Variants in ITPRID1 observed in about 807,000 individuals in gnomAD.
ITPRID1 encodes ITPR interacting domain containing 1.
Under a neutral mutation model 95.4 loss-of-function variants are expected in ITPRID1, and 96 were observed. The ratio of observed to expected loss-of-function variants is 1.01; its 90% confidence interval spans 0.85 to 1.19. The LOEUF (loss-of-function observed/expected upper bound fraction) is 1.19. Among genes scored for constraint, ITPRID1 ranks in the 50% most tolerant of loss-of-function variants. The pLI, the probability that ITPRID1 is intolerant of heterozygous loss-of-function variation, is 0.00. For synonymous variants in ITPRID1, 510 were observed against 453.6 expected (o/e 1.12, Z -1.58); for missense variants, 1,339 against 1,252.9 (o/e 1.07, Z -1.04).
chr7:31,589,341 A>G (rs1785763769), intron 10 of ITPRID1, among the ~76,000 whole-genome samples: 1 of 152,164 alleles, frequency 6.6e-6, no homozygotes, highest in Non-Finnish European at 1.5e-5. Context: ...CCTGTGAGGC[A>G]GTATCAAAGG....
chr7:31,625,652 T>C (rs932564613), intron 10 of ITPRID1, among the ~76,000 whole-genome samples: 2 of 151,992 alleles, frequency 1.3e-5, no homozygotes, highest in Non-Finnish European at 1.5e-5. Flanking sequence ...GGGATAGCAC[T>C]GGGAGATATA....
At chr7:31,650,008 T>G (rs1475470500) in intron 12 of ITPRID1, among the ~76,000 whole-genome samples, 1 of 152,048 alleles carries the variant, frequency 6.6e-6, no homozygotes, top group African/African-American at 2.4e-5. Context: ...TCACAAAGAA[T>G]TGGTCCATGT....
At chr7:31,526,412 T>C (rs1455232884) in intron 1 of ITPRID1, among the ~76,000 whole-genome samples, 2 of 152,084 alleles carry the variant, frequency 1.3e-5, no homozygotes, top group African/African-American at 2.4e-5. Context: ...GTCAGACTAG[T>C]TGTAGGGGAA....
At chr7:31,625,410 G>A (rs1788357890) in intron 10 of ITPRID1, among the ~76,000 whole-genome samples, 1 of 151,886 alleles carries the variant, frequency 6.6e-6, no homozygotes, top group Non-Finnish European at 1.5e-5. Context: ...AAGAAAATGT[G>A]GCACATATAC....
chr7:31,537,087 T>C, intron 1 of ITPRID1, among the ~76,000 whole-genome samples: 1 of 116,950 alleles, frequency 8.6e-6, no homozygotes, highest in Non-Finnish European at 1.7e-5. Flanking sequence ...GCCTAGAAGG[T>C]GTGTGTGTTG....
At chr7:31,620,696 A>G (rs1174390651) in intron 10 of ITPRID1, among the ~76,000 whole-genome samples, 1 of 152,036 alleles carries the variant, frequency 6.6e-6, no homozygotes, top group South Asian at 2.1e-4. Context: ...TCTAAAAAGC[A>G]GAGCACCTCT....
At chr7:31,598,737 A>G (rs558973281) in intron 10 of ITPRID1, among the ~76,000 whole-genome samples, 1 of 152,298 alleles carries the variant, frequency 6.6e-6, no homozygotes, top group East Asian at 1.9e-4. Flanking sequence ...AATAAGAAAA[A>G]GGTAAATGAC....
In ITPRID1 at chr7:31,535,864, T is replaced by C. The variant is rs74825608; in HGVS notation, c.-97-13562T>C. On this transcript the variant is annotated intron_variant, in intron 1 of 14. Transcript: ENST00000615280. ...AGAGATCAAGGATCATTCTTATTTGTTGTTCCTCTCTGTGTAGTGTGTCTT... is the reference window on the plus strand; with the variant it reads ...AGAGATCAAGGATCATTCTTATTTGCTGTTCCTCTCTGTGTAGTGTGTCTT... 4.6e-3 allele frequency among the ~76,000 whole-genome samples: 707 copies of C among 152,192 alleles called. 4 individuals carry two copies. Among genetic ancestry groups the C allele is most frequent in the African/African-American group, 0.015 (616 of 41,554 alleles).
intron 1 of ITPRID1, among the ~76,000 whole-genome samples, chr7:31,547,457 T>C (rs1784136519): frequency 8.3e-6 from 1 of 121,202 alleles, no homozygotes; most frequent in African/African-American, 2.6e-5. Flanking sequence ...CAGAGCAAAG[T>C]GGGGGAAAGC....
intron 1 of ITPRID1, among the ~76,000 whole-genome samples, chr7:31,532,802 A>C (rs1325718225): frequency 6.6e-6 from 1 of 152,224 alleles, no homozygotes; most frequent in Non-Finnish European, 1.5e-5. Context: ...GAAATGTACT[A>C]GTTGTTCAGC....
At chr7:31,519,578 A>ATC (rs72374972) in intron 1 of ITPRID1, among the ~76,000 whole-genome samples, 956 of 37,418 alleles carry the variant, frequency 0.026, 54 homozygotes, top group Middle Eastern at 0.056. Flanking sequence ...TATTTCTGGT[A>ATC]TCTCTCTCTC....
At chr7:31,640,750 G>A (rs1170785066) in intron 10 of ITPRID1, among the ~76,000 whole-genome samples, 1 of 151,794 alleles carries the variant, frequency 6.6e-6, no homozygotes, top group Non-Finnish European at 1.5e-5. Flanking sequence ...GTCTCATTTA[G>A]ATCTATGACT....
At chr7:31,515,680 C>T (rs1200946383) in intron 1 of ITPRID1, among the ~76,000 whole-genome samples, 2 of 152,186 alleles carry the variant, frequency 1.3e-5, no homozygotes, top group Admixed American at 1.3e-4. Context: ...TTGGCAACAA[C>T]TTGATGTGAT....
At chr7:31,534,704 G>A (rs543505854) in intron 1 of ITPRID1, among the ~76,000 whole-genome samples, 50 of 151,872 alleles carry the variant, frequency 3.3e-4, no homozygotes, top group African/African-American at 1.1e-3. Context: ...TTTCTATCCA[G>A]TTGACCATTT....
chr7:31,615,734 TAG>T (rs772791808), intron 10 of ITPRID1, among the ~76,000 whole-genome samples: 41 of 146,526 alleles, frequency 2.8e-4, no homozygotes, highest in Non-Finnish European at 5.4e-4. Context: ...AGTAGCGTGT[TAG>T]AGTTTACTGA....
downstream of ITPRID1, chr7:31,658,565 T>A: frequency 2.5e-6 from 1 of 404,230 alleles, no homozygotes; most frequent in Non-Finnish European, 4.2e-6. Context: ...AAATTGTAAT[T>A]TAAAACAACA....
intron 1 of ITPRID1, among the ~76,000 whole-genome samples, chr7:31,522,536 G>A (rs535807616): frequency 6.6e-6 from 1 of 152,306 alleles, no homozygotes; most frequent in African/African-American, 2.4e-5. Context: ...TCTGCCTTCT[G>A]CAGTGTAGAG....
At chr7:31,566,284 A>G (rs1784797444) in intron 5 of ITPRID1, among the ~76,000 whole-genome samples, 1 of 152,210 alleles carries the variant, frequency 6.6e-6, no homozygotes, top group Non-Finnish European at 1.5e-5. Flanking sequence ...TTCCTCTCTG[A>G]CAGTTCGTGC....
intron 1 of ITPRID1, among the ~76,000 whole-genome samples, chr7:31,523,105 T>C (rs993677446): frequency 1.2e-4 from 19 of 152,220 alleles, no homozygotes; most frequent in Non-Finnish European, 2.6e-4. Flanking sequence ...TGCCTTGCAT[T>C]AAGTAGATAC....
Sources: allele counts gnomAD v4.1 joint callset (sites outside exome capture counted in the v4.1 genomes callset), GRCh38; gene constraint gnomAD v4.1.1; transcripts MANE v1.5; gene names NCBI Gene and HGNC (gene_info 2026-07-23, HGNC 2026-07-21).